The following RP1 variants were observed in gnomAD, a reference collection of about 807,000 sequenced individuals.
The protein encoded by RP1 is oxygen-regulated protein 1.
A neutral mutation model predicts 14.8 loss-of-function variants in RP1; 16 were observed. The observed-to-expected ratio is 1.08, with a 90% CI of 0.73 to 1.65. The LOEUF (loss-of-function observed/expected upper bound fraction) is 1.65. Among genes scored for constraint, RP1 ranks in the 40% most tolerant of loss-of-function variants. The pLI is 0.00. For missense variants in RP1, 2,631 were observed against 2,535.0 expected, an observed-to-expected ratio of 1.04 and a Z score of -0.81; for synonymous variants, 876 against 883.6, an observed-to-expected ratio of 0.99 and a Z score of 0.15.
At position 54,802,074 on chromosome 8, in the gene RP1, A is replaced by G. The variant is rs148124003; in HGVS notation, c.3615+18364A>G. Among the ~76,000 whole-genome samples, 1,097 of 152,288 alleles carry G rather than the reference A, an allele frequency of 7.2e-3. 9 individuals carry two copies. The highest frequency in any genetic ancestry group is 0.025 in the African/African-American group (1,034 of 41,566). The stretch of plus-strand genomic sequence containing the variant: ...GAGCTGCAGATAATATATAACATTT[A>G]AAAATGTATAAAGGCTCAGTAACCC... On this transcript the variant is annotated intron_variant, in intron 24 of 28. Transcript: ENST00000637698.
chr8:54,617,282 G>A (rs1441880331), intron 1 of RP1, among the ~76,000 whole-genome samples: 1 of 152,188 alleles, frequency 6.6e-6, no homozygotes. Context: ...TGCTCAGTTT[G>A]TTCGTTCCCT....
At position 54,698,901 on chromosome 8, in the gene RP1, T is replaced by TG. The variant is rs199787531; in HGVS notation, c.1718-561dup. Among the ~76,000 whole-genome samples, 1,091 of 151,706 alleles carry TG rather than the reference T, an allele frequency of 7.2e-3. 19 individuals carry two copies. Among genetic ancestry groups the TG allele is most frequent in the African/African-American group, 0.025 (1,034 of 41,336 alleles). The stretch of plus-strand genomic sequence containing the variant: ...CAAGGCCTATCGGGGGTTGGGGTCC[T>TG]GGGGGAGGGATAGCATTAGGAGAAA... On this transcript the variant is annotated intron_variant, in intron 12 of 22. Coordinates refer to the RP1 transcript ENST00000636932.
At chr8:54,721,195 T>C (rs1021155157) in intron 16 of RP1, among the ~76,000 whole-genome samples, 1 of 152,240 alleles carries the variant, frequency 6.6e-6, no homozygotes, top group East Asian at 1.9e-4. Flanking sequence ...CAGCCTTTAG[T>C]TGCTTTTTTA....
chr8:54,773,206 T>C (rs141655258), downstream of RP1, among the ~76,000 whole-genome samples: 101 of 152,308 alleles, frequency 6.6e-4, no homozygotes, highest in Non-Finnish European at 1.2e-3. Flanking sequence ...TTTCACCTAG[T>C]GGCCCCTTTT....
intron 21 of RP1, among the ~76,000 whole-genome samples, chr8:54,756,490 C>G (rs1809509441): frequency 6.6e-6 from 1 of 152,134 alleles, no homozygotes; most frequent in African/African-American, 2.4e-5. Context: ...TTAAAGCTCA[C>G]CTATACATTT....
chr8:54,811,903 G>T (rs957857212), intron 24 of RP1, among the ~76,000 whole-genome samples: 2 of 152,200 alleles, frequency 1.3e-5, no homozygotes, highest in Non-Finnish European at 2.9e-5. Flanking sequence ...GTTTCTGGGT[G>T]TTCCTCACCA....
chr8:54,813,085 A>G (rs1018196675), intron 24 of RP1, among the ~76,000 whole-genome samples: 7 of 152,244 alleles, frequency 4.6e-5, no homozygotes, highest in Admixed American at 2.0e-4. Flanking sequence ...AACCCAGTCC[A>G]ACTTTTATAC....
rs1808742109 is a variant in RP1, at chr8:54,729,604, G to A, written c.2521+3128G>A. Among the ~76,000 whole-genome samples the A allele has an allele frequency of 2.0e-5, 3 of 151,960 alleles. No homozygotes were observed. The South Asian group carries it at 6.2e-4, about 31-fold the overall frequency. ...TATATCAACTTACTACTCCCCCAAA[G>A]AGCACTTTAAAATCTATTTATGCTT... On this transcript the variant is annotated intron_variant, in intron 17 of 22. Coordinates refer to the RP1 transcript ENST00000636932.
At chr8:54,765,316 A>G (rs1270314345) in intron 22 of RP1, among the ~76,000 whole-genome samples, 1 of 152,258 alleles carries the variant, frequency 6.6e-6, no homozygotes, top group Non-Finnish European at 1.5e-5. Flanking sequence ...CACAGAACAT[A>G]GTAGGTACTC....
intron 27 of RP1, among the ~76,000 whole-genome samples, chr8:54,858,456 C>T (rs963531760): frequency 6.6e-6 from 1 of 151,976 alleles, no homozygotes; most frequent in South Asian, 2.1e-4. Flanking sequence ...GGAACATTGC[C>T]ACTGTAGAGC....
intron 25 of RP1, among the ~76,000 whole-genome samples, chr8:54,840,873 G>A (rs1322412849): frequency 3.3e-5 from 5 of 152,134 alleles, no homozygotes; most frequent in African/African-American, 7.2e-5. Context: ...AGAATATAAT[G>A]TAATAATGAT....
rs745640645 is a variant in RP1, at chr8:54,627,629, CTG to C, written c.3751_3752del (p.Val1251PhefsTer9). On this transcript the variant is annotated frameshift_variant, in exon 4 of 4. Coordinates refer to ENST00000220676, the MANE Select transcript of RP1 (RefSeq NM_006269.2). LOFTEE classifies it low-confidence loss of function (END_TRUNC). ...SASEACAPEV[C>X]VLEVTCSPCE... The stretch of plus-strand genomic sequence containing the variant: ...CCAGTGAGGCATGTGCCCCTGAAGT[CTG>C]TGTTTTGGAAGTGACTTGCTCTCCA... 2 of 1,614,172 alleles carry C rather than the reference CTG, an allele frequency of 1.2e-6. No homozygotes were observed.
chr8:54,729,256 G>C (rs1808734440), intron 17 of RP1, among the ~76,000 whole-genome samples: 2 of 152,132 alleles, frequency 1.3e-5, no homozygotes, highest in Admixed American at 1.3e-4. Context: ...TTGTCTCTGT[G>C]CATGGGCACT....
At chr8:54,649,158 A>G (rs1285072160) in intron 4 of RP1, 1 of 1,473,020 alleles carries the variant, frequency 6.8e-7, no homozygotes, top group Non-Finnish European at 8.9e-7. Context: ...TGTAAGTAAT[A>G]AAACTGAGTA....
intron 1 of RP1, among the ~76,000 whole-genome samples, chr8:54,573,539 C>T (rs1804575593): frequency 6.6e-6 from 1 of 152,078 alleles, no homozygotes; most frequent in South Asian, 2.1e-4. Context: ...AATACGGTAG[C>T]TTTTCCCTCA....
At chr8:54,832,289 T>C (rs1030670860) in intron 24 of RP1, among the ~76,000 whole-genome samples, 3 of 151,880 alleles carry the variant, frequency 2.0e-5, no homozygotes, top group Admixed American at 6.6e-5. Context: ...GTTAGTTTAA[T>C]TGATACTGTC....
rs1187450292 is a variant in RP1, at chr8:54,679,501, G to A, written c.1555+5G>A. ...ATAACAGTATCTTCTCTGCGAGTAG[G>A]TATCATGTATACACATTTCCTGGAA... On this transcript the variant is annotated splice_donor_5th_base_variant and intron_variant, in intron 10 of 22. Transcript: ENST00000636932. The A allele has an allele frequency of 2.6e-6, 4 of 1,535,786 alleles. No homozygotes were observed. In the East Asian group the frequency reaches 9.8e-5, roughly 38 times the overall value.
At chr8:54,794,571 A>G (rs1407540139) in intron 24 of RP1, among the ~76,000 whole-genome samples, 1 of 151,922 alleles carries the variant, frequency 6.6e-6, no homozygotes, top group East Asian at 1.9e-4. Flanking sequence ...CATGTCTTAT[A>G]CCTTTCACAA....
chr8:54,585,200 A>G (rs1333053004), intron 1 of RP1, among the ~76,000 whole-genome samples: 1 of 152,228 alleles, frequency 6.6e-6, no homozygotes, highest in Non-Finnish European at 1.5e-5. Flanking sequence ...TGGTCATGAG[A>G]AAATCTCTCA....
Sources: allele counts gnomAD v4.1 joint callset (sites outside exome capture counted in the v4.1 genomes callset), GRCh38; gene constraint gnomAD v4.1.1; transcripts MANE v1.5; gene names NCBI Gene and HGNC (gene_info 2026-07-23, HGNC 2026-07-21).